The following SLC6A11 variants were observed in gnomAD, a reference collection of about 807,000 sequenced individuals.
SLC6A11 encodes sodium- and chloride-dependent GABA transporter 3.
A neutral mutation model predicts 74.8 loss-of-function variants in SLC6A11; 25 were observed. The observed-to-expected ratio is 0.33, with a 90% CI of 0.24 to 0.47. SLC6A11 has a LOEUF of 0.47. Among genes scored for constraint, SLC6A11 ranks in the 20% least tolerant of loss-of-function variants. The pLI is 1.00. For synonymous variants in SLC6A11, 330 were observed against 330.2 expected, an observed-to-expected ratio of 1.00 and a Z score of 0.01; for missense variants, 574 against 837.0, an observed-to-expected ratio of 0.69 and a Z score of 3.88.
chr3:10,819,915 A>ATG, intron 3 of SLC6A11, 63 bp downstream of exon 3: 1 of 1,579,056 alleles, frequency 6.3e-7, no homozygotes, highest in Non-Finnish European at 8.6e-7. Context: ...GGGTTTGTTC[A>ATG]TGCCCTTCAG....
chr3:10,826,591 T>C (rs2106574089), intron 4 of SLC6A11, among the ~76,000 whole-genome samples: 1 of 152,318 alleles, frequency 6.6e-6, no homozygotes, highest in Non-Finnish European at 1.5e-5. Context: ...TATTCCCCAA[T>C]AGACAGTCAT....
intron 6 of SLC6A11, among the ~76,000 whole-genome samples, chr3:10,904,688 G>A (rs1026785041): frequency 3.9e-5 from 6 of 152,098 alleles, no homozygotes; most frequent in Admixed American, 2.0e-4. Context: ...TTGAGGTGGG[G>A]TTGCCTTTGT....
chr3:10,934,303 A>G, intron 12 of SLC6A11, 137 bp downstream of exon 12: 1 of 611,848 alleles, frequency 1.6e-6, no homozygotes. Flanking sequence ...AGGCCACCTT[A>G]CAAAGCTGCA....
At chr3:10,920,643 C>T (rs1226879660) in intron 8 of SLC6A11, among the ~76,000 whole-genome samples, 3 of 152,226 alleles carry the variant, frequency 2.0e-5, no homozygotes, top group Non-Finnish European at 2.9e-5. Context: ...GGCCTCCACT[C>T]GTGGCTGTGC....
chr3:10,929,437 G>A, intron 10 of SLC6A11, 98 bp downstream of exon 10: 2 of 1,340,930 alleles, frequency 1.5e-6, no homozygotes, highest in Non-Finnish European at 2.1e-6. Context: ...GTCAGGTCTA[G>A]TGCCCTCTGC....
At chr3:10,887,767 C>T (rs1238361293) in intron 6 of SLC6A11, among the ~76,000 whole-genome samples, 1 of 152,264 alleles carries the variant, frequency 6.6e-6, no homozygotes, top group East Asian at 1.9e-4. Flanking sequence ...TTGATTTGAT[C>T]TCTGCAGGAT....
chr3:10,832,207 G>A (rs556210347), intron 4 of SLC6A11, among the ~76,000 whole-genome samples: 38 of 152,260 alleles, frequency 2.5e-4, no homozygotes, highest in Admixed American at 2.5e-3. Flanking sequence ...TAGTGGCCCC[G>A]AGCAGCCCTG....
chr3:10,913,679 A>G (rs1695416311), intron 7 of SLC6A11, among the ~76,000 whole-genome samples: 1 of 152,168 alleles, frequency 6.6e-6, no homozygotes, highest in South Asian at 2.1e-4. Flanking sequence ...CAGTAAAAAA[A>G]CAAGCAACAC....
intron 4 of SLC6A11, among the ~76,000 whole-genome samples, chr3:10,828,624 G>C (rs183199560): frequency 8.2e-4 from 125 of 152,174 alleles, no homozygotes; most frequent in African/African-American, 2.9e-3. Context: ...CAGTCTCTTG[G>C]CTTTTGCTTT....
chr3:10,824,542 T>A (rs1222384765), intron 4 of SLC6A11: 8 of 152,192 alleles, frequency 5.3e-5, no homozygotes, highest in Admixed American at 5.2e-4. Flanking sequence ...AGCACCTAGG[T>A]CTTTCTTGCA....
rs1694061090 is a variant in SLC6A11, at chr3:10,816,536, A to G, written c.256+15A>G. The G allele has an allele frequency of 1.3e-6, 2 of 1,568,906 alleles. No homozygotes were observed. The highest frequency in any genetic ancestry group is 1.7e-6 in the Non-Finnish European group (2 of 1,156,666). The stretch of plus-strand genomic sequence containing the variant: ...GAACGGAGGAGGTGAGGTGATAGTG[A>G]GGAGAAGGGGAGGGGGCGCCAACCG... On this transcript the variant is annotated intron_variant, in intron 1 of 13. Transcript: ENST00000254488. This position sits in a 1 kb window ranked among gnomAD's most constrained non-coding sequence, Gnocchi z 4.2.
At chr3:10,914,136 G>A (rs576314389) in intron 7 of SLC6A11, among the ~76,000 whole-genome samples, 135 of 152,290 alleles carry the variant, frequency 8.9e-4, no homozygotes, top group Non-Finnish European at 1.5e-3. Flanking sequence ...TGTGGCTCGA[G>A]TGGCACCATG....
At chr3:10,833,263 T>C (rs1444573259) in intron 4 of SLC6A11, among the ~76,000 whole-genome samples, 1 of 152,178 alleles carries the variant, frequency 6.6e-6, no homozygotes, top group East Asian at 1.9e-4. Context: ...GGTTTCACCA[T>C]GTTGGCCAGG....
At position 10,841,805 on chromosome 3, in the gene SLC6A11, G is replaced by A. The variant is rs1694440915; in HGVS notation, c.624-2409G>A. 3.3e-5 allele frequency among the ~76,000 whole-genome samples: 5 copies of A among 152,102 alleles called. No homozygotes were observed. The South Asian group carries it at 8.3e-4, about 25-fold the overall frequency. ...TACTTCAACAAGAAGGCACATGTCT[G>A]TGTGTGTGTGTGCGTGTGTGTGTGT... On this transcript the variant is annotated intron_variant, in intron 4 of 13. Transcript: ENST00000254488.
intron 6 of SLC6A11, among the ~76,000 whole-genome samples, chr3:10,881,002 CAGA>C (rs1225263186): frequency 6.6e-6 from 1 of 152,126 alleles, no homozygotes; most frequent in East Asian, 1.9e-4. Flanking sequence ...TGGATGAGAC[CAGA>C]AGTTCTCCTC....
At chr3:10,924,832 A>G (rs1479647863) in intron 8 of SLC6A11, among the ~76,000 whole-genome samples, 2 of 152,252 alleles carry the variant, frequency 1.3e-5, no homozygotes, top group Admixed American at 6.5e-5. Flanking sequence ...AAGACTGACA[A>G]TATCAAGTGT....
chr3:10,907,060 C>T (rs1482872429), intron 6 of SLC6A11, among the ~76,000 whole-genome samples: 2 of 152,134 alleles, frequency 1.3e-5, no homozygotes, highest in African/African-American at 2.4e-5. Flanking sequence ...TGTCCCAAGG[C>T]ATTGCACAAA....
chr3:10,882,232 C>T (rs893737041), intron 6 of SLC6A11, among the ~76,000 whole-genome samples: 7 of 152,234 alleles, frequency 4.6e-5, no homozygotes, highest in African/African-American at 7.2e-5. Context: ...AGCCATTTTA[C>T]TTTCCTGCTC....
chr3:10,863,207 A>C (rs572011541), intron 5 of SLC6A11, among the ~76,000 whole-genome samples: 1 of 152,334 alleles, frequency 6.6e-6, no homozygotes, highest in Admixed American at 6.5e-5. Context: ...GTCTGTGAAC[A>C]GCTGACTGTA....
Sources: allele counts gnomAD v4.1 joint callset (sites outside exome capture counted in the v4.1 genomes callset), GRCh38; gene constraint gnomAD v4.1.1; non-coding constraint Gnocchi (gnomAD v3.1); transcripts MANE v1.5; gene names NCBI Gene and HGNC (gene_info 2026-07-23, HGNC 2026-07-21).